PTP4A1: variants seen among roughly 807,000 people sequenced by gnomAD.
PTP4A1 encodes the protein protein tyrosine phosphatase 4A1, also known as protein tyrosine phosphatase type IVA 1.
PTP4A1 carries 9 observed loss-of-function variants against 20.5 expected under a neutral mutation model. The observed-to-expected ratio is 0.44, with a 90% CI of 0.26 to 0.77. The LOEUF is 0.77. Among genes scored for constraint, PTP4A1 ranks in the 30% least tolerant of loss-of-function variants. The pLI, the probability that PTP4A1 is intolerant of heterozygous loss-of-function variation, is 0.19. For synonymous variants in PTP4A1, 78 were observed against 67.4 expected (o/e 1.16, Z -0.77); for missense variants, 137 against 218.8 (o/e 0.63, Z 2.36).
intron 2 of PTP4A1, among the ~76,000 whole-genome samples, chr6:63,533,461 A>T (rs1775564414): frequency 1.3e-5 from 2 of 152,234 alleles, no homozygotes. Context: ...ATTACATGAA[A>T]AAATAAAGGC....
intron 2 of PTP4A1, among the ~76,000 whole-genome samples, chr6:63,539,605 G>A (rs565040087): frequency 1.5e-4 from 23 of 152,076 alleles, no homozygotes; most frequent in Non-Finnish European, 2.8e-4. Context: ...GTGAAACCCC[G>A]TCTCTACTAA....
chr6:63,574,322 CCTT>C (rs2149511256), intron 1 of PTP4A1, among the ~76,000 whole-genome samples: 1 of 152,268 alleles, frequency 6.6e-6, no homozygotes, highest in African/African-American at 2.4e-5. Context: ...TCCTCCTCTC[CCTT>C]CTTGTATATG....
At chr6:63,578,377 A>G in intron 2 of PTP4A1, 60 bp from the exon 3 acceptor site, 1 of 1,530,388 alleles carries the variant, frequency 6.5e-7, no homozygotes, top group South Asian at 1.3e-5. Context: ...AGAATATAAA[A>G]TGTTGAGTTA....
intron 2 of PTP4A1, among the ~76,000 whole-genome samples, chr6:63,542,551 C>T (rs1477065250): frequency 6.6e-6 from 1 of 152,094 alleles, no homozygotes; most frequent in African/African-American, 2.4e-5. Context: ...TCCCATGTTG[C>T]CTCTCTCCAA....
intron 2 of PTP4A1, among the ~76,000 whole-genome samples, chr6:63,542,650 G>C (rs1371846452): frequency 6.6e-6 from 1 of 152,030 alleles, no homozygotes; most frequent in Non-Finnish European, 1.5e-5. Context: ...TAGTTGACCA[G>C]TTTTCTCCTT....
chr6:63,534,487 C>A (rs78658487), intron 2 of PTP4A1, among the ~76,000 whole-genome samples: 3 of 132,654 alleles, frequency 2.3e-5, no homozygotes, highest in Admixed American at 7.6e-5. Flanking sequence ...ACACACACAC[C>A]TCTAAAACTG....
chr6:63,559,638 A>C (rs962010357), intron 3 of PTP4A1, among the ~76,000 whole-genome samples: 1 of 152,058 alleles, frequency 6.6e-6, no homozygotes, highest in South Asian at 2.1e-4. Context: ...CCAGCTACTC[A>C]GGAGGCTGAG....
upstream of PTP4A1, among the ~76,000 whole-genome samples, chr6:63,519,998 T>G (rs1581904421): frequency 6.6e-6 from 1 of 152,238 alleles, no homozygotes; most frequent in East Asian, 1.9e-4. Context: ...TAGACTGATT[T>G]AATGTATCAT....
At chr6:63,566,343 G>A (rs766570959) in intron 3 of PTP4A1, among the ~76,000 whole-genome samples, 2 of 152,222 alleles carry the variant, frequency 1.3e-5, no homozygotes, top group Non-Finnish European at 2.9e-5. Context: ...CTGTAGCCAG[G>A]GGGTGAGGGG....
chr6:63,536,590 T>G (rs1775737362), intron 2 of PTP4A1, among the ~76,000 whole-genome samples: 1 of 152,220 alleles, frequency 6.6e-6, no homozygotes, highest in Non-Finnish European at 1.5e-5. Context: ...TTATCCTGTT[T>G]TAAAATTGAT....
chr6:63,521,624 T>C (rs1581905461), upstream of PTP4A1: 1 of 152,240 alleles, frequency 6.6e-6, no homozygotes, highest in Non-Finnish European at 1.5e-5. Context: ...GCATATATTT[T>C]AGAAACTGTC....
chr6:63,574,947 G>C (rs1245178986), intron 1 of PTP4A1, among the ~76,000 whole-genome samples: 2 of 152,200 alleles, frequency 1.3e-5, no homozygotes, highest in African/African-American at 2.4e-5. Context: ...CTGAGGGCTT[G>C]TTTGAACAAA....
At chr6:63,535,479 A>C (rs1163099722) in intron 2 of PTP4A1, among the ~76,000 whole-genome samples, 4 of 152,228 alleles carry the variant, frequency 2.6e-5, no homozygotes, top group Admixed American at 6.5e-5. Flanking sequence ...AAAGAAAAAA[A>C]AAAGCAATAA....
At chr6:63,522,820 AC>A (rs1351174655) in intron 1 of PTP4A1, among the ~76,000 whole-genome samples, 2 of 151,276 alleles carry the variant, frequency 1.3e-5, no homozygotes, top group African/African-American at 4.9e-5. Flanking sequence ...AGTGACTCAG[AC>A]TTTGAGGTCG....
chr6:63,545,617 A>C (rs536453574), intron 2 of PTP4A1, among the ~76,000 whole-genome samples: 10 of 152,164 alleles, frequency 6.6e-5, no homozygotes, highest in Non-Finnish European at 1.0e-4. Flanking sequence ...TCTCAAAAAA[A>C]AAAAGGAAGA....
chr6:63,579,039 T>C lies in PTP4A1; in HGVS notation c.329+11T>C, dbSNP rs778389685. ...TGCAGGCCTTGGGAGGTAAATGAAT[T>C]TATCAATTTGATTCTAGGTAAAAAT... On this transcript the variant is annotated intron_variant, in intron 4 of 5. Transcript: ENST00000626021. 11 of 1,562,938 alleles carry C rather than the reference T, an allele frequency of 7.0e-6. No homozygotes were observed. Among genetic ancestry groups the C allele is most frequent in the Non-Finnish European group, 9.5e-6 (11 of 1,161,746 alleles).
At chr6:63,522,862 C>CTT (rs559181707) in intron 1 of PTP4A1, among the ~76,000 whole-genome samples, 38 of 126,392 alleles carry the variant, frequency 3.0e-4, no homozygotes, top group African/African-American at 5.0e-4. Flanking sequence ...GACTAAATCA[C>CTT]TTTTTTTTTT....
intron 2 of PTP4A1, among the ~76,000 whole-genome samples, chr6:63,545,482 A>G (rs1219867739): frequency 6.6e-6 from 1 of 152,068 alleles, no homozygotes; most frequent in Non-Finnish European, 1.5e-5. Context: ...GTGGTGGCAC[A>G]TGCCTGTAAT....
chr6:63,572,942 G>A (rs763929468), intron 1 of PTP4A1, among the ~76,000 whole-genome samples: 2 of 152,120 alleles, frequency 1.3e-5, no homozygotes, highest in African/African-American at 2.4e-5. Flanking sequence ...GCGGGGTGGC[G>A]GTTGGCCGCC....
Sources: gnomAD v4.1 joint callset for allele counts (sites outside exome capture counted in the v4.1 genomes callset) on GRCh38, gnomAD v4.1.1 for gene constraint, MANE v1.5 for transcripts, NCBI Gene and HGNC (gene_info 2026-07-23, HGNC 2026-07-21) for gene names.